Variants in RALYL observed in about 807,000 individuals in gnomAD.
RALYL encodes the protein RALY RNA binding protein like, also known as RNA-binding Raly-like protein.
Under a neutral mutation model 35.1 loss-of-function variants are expected in RALYL, and 29 were observed. The ratio of observed to expected loss-of-function variants is 0.83; its 90% confidence interval spans 0.61 to 1.13. The LOEUF (loss-of-function observed/expected upper bound fraction) is 1.13, where lower values mean the gene tolerates loss of function less well. Among genes scored for constraint, RALYL ranks in the 50% most tolerant of loss-of-function variants. The pLI, the probability that RALYL is intolerant of heterozygous loss-of-function variation, is 0.00. For missense variants in RALYL, 359 were observed against 360.4 expected, an observed-to-expected ratio of 1.00 and a Z score of 0.03; for synonymous variants, 120 against 127.6, an observed-to-expected ratio of 0.94 and a Z score of 0.40.
At chr8:84,200,781 TG>T (rs902785696) in intron 1 of RALYL, among the ~76,000 whole-genome samples, 3 of 152,120 alleles carry the variant, frequency 2.0e-5, no homozygotes, top group Non-Finnish European at 4.4e-5. Flanking sequence ...CTACTTTTAA[TG>T]GGGGGATGGG....
rs535530238 is a variant in RALYL, at chr8:84,816,048, A to G, written c.365+11246A>G. Reference sequence around the variant, plus strand: ...ACTCTGTCTCAAAAAAAAAAAAAAAAAAAAGAAAAAAAGAAAAGAAAGGTG... The same window carrying G: ...ACTCTGTCTCAAAAAAAAAAAAAAAGAAAAGAAAAAAAGAAAAGAAAGGTG... On this transcript the variant is annotated intron_variant, in intron 4 of 8. Transcript: ENST00000521268. 1.1e-3 allele frequency among the ~76,000 whole-genome samples: 173 copies of G among 150,894 alleles called. 2 individuals carry two copies. Among genetic ancestry groups the G allele is most frequent in the African/African-American group, 2.4e-3 (98 of 40,940 alleles).
At chr8:84,839,981 C>G (rs1832860081) in intron 4 of RALYL, among the ~76,000 whole-genome samples, 1 of 152,160 alleles carries the variant, frequency 6.6e-6, no homozygotes, top group African/African-American at 2.4e-5. Flanking sequence ...TCACCATCAT[C>G]AAAGACCAAA....
chr8:84,662,908 G>A (rs1253898139), intron 2 of RALYL, among the ~76,000 whole-genome samples: 1 of 152,090 alleles, frequency 6.6e-6, no homozygotes, highest in African/African-American at 2.4e-5. Flanking sequence ...GTGCCATGGT[G>A]ATTAGCTGCA....
intron 1 of RALYL, among the ~76,000 whole-genome samples, chr8:84,335,726 TTTC>T (rs200926293): frequency 0.022 from 3,256 of 147,474 alleles, 61 homozygotes; most frequent in Non-Finnish European, 0.028. Context: ...TTTTTTTTTT[TTTC>T]CAAGACCTGA....
intron 2 of RALYL, among the ~76,000 whole-genome samples, chr8:84,770,555 G>T (rs1815215957): frequency 6.6e-6 from 1 of 152,070 alleles, no homozygotes; most frequent in Non-Finnish European, 1.5e-5. Context: ...TTTCCTCTGG[G>T]TAGATACCCA....
intron 4 of RALYL, among the ~76,000 whole-genome samples, chr8:84,847,910 G>C (rs1163464642): frequency 6.6e-6 from 1 of 152,116 alleles, no homozygotes; most frequent in Non-Finnish European, 1.5e-5. Context: ...GATTAGGTCT[G>C]CTCTTAGATC....
chr8:84,230,978 C>G (rs1419010102), intron 1 of RALYL, among the ~76,000 whole-genome samples: 2 of 152,174 alleles, frequency 1.3e-5, no homozygotes, highest in Non-Finnish European at 2.9e-5. Context: ...AGCCTCTAGA[C>G]ACTAACACTC....
chr8:84,467,120 G>A (rs966543468), intron 1 of RALYL, among the ~76,000 whole-genome samples: 1 of 151,924 alleles, frequency 6.6e-6, no homozygotes. Flanking sequence ...TTTTTTGAAG[G>A]GTTTTTTGTG....
At chr8:84,256,057 C>T (rs985838743) in intron 1 of RALYL, among the ~76,000 whole-genome samples, 5 of 152,000 alleles carry the variant, frequency 3.3e-5, no homozygotes, top group African/African-American at 1.2e-4. Context: ...ACAGGTCCAC[C>T]GAAGGCCAGA....
intron 1 of RALYL, among the ~76,000 whole-genome samples, chr8:84,388,807 A>G (rs928572146): frequency 1.3e-5 from 2 of 151,866 alleles, no homozygotes; most frequent in Non-Finnish European, 2.9e-5. Flanking sequence ...GTTCACTCTG[A>G]TGGTAGTTTC....
At chr8:84,877,046 C>G (rs918312710) in intron 7 of RALYL, among the ~76,000 whole-genome samples, 1 of 152,134 alleles carries the variant, frequency 6.6e-6, no homozygotes, top group African/African-American at 2.4e-5. Flanking sequence ...GGTCCCTGTT[C>G]ACATTCATGT....
chr8:84,423,467 G>A (rs1163984342), intron 1 of RALYL, among the ~76,000 whole-genome samples: 1 of 151,968 alleles, frequency 6.6e-6, no homozygotes, highest in Non-Finnish European at 1.5e-5. Context: ...TGGTTTTCCT[G>A]AATACAGCAC....
chr8:84,438,687 C>T (rs2048003271), intron 1 of RALYL, among the ~76,000 whole-genome samples: 1 of 152,002 alleles, frequency 6.6e-6, no homozygotes, highest in Non-Finnish European at 1.5e-5. Context: ...ACACCGTACC[C>T]AGCCCTTCTA....
At chr8:84,706,683 C>CA (rs1841274100) in intron 2 of RALYL, among the ~76,000 whole-genome samples, 2 of 152,136 alleles carry the variant, frequency 1.3e-5, no homozygotes, top group Admixed American at 1.3e-4. Context: ...AGGAGCAGCA[C>CA]AATTACCCTG....
At chr8:84,683,134 C>T (rs1835962562) in intron 2 of RALYL, among the ~76,000 whole-genome samples, 1 of 152,134 alleles carries the variant, frequency 6.6e-6, no homozygotes, top group Non-Finnish European at 1.5e-5. Flanking sequence ...TTTTCAGTTT[C>T]CATGTAGTTG....
intron 2 of RALYL, among the ~76,000 whole-genome samples, chr8:84,570,563 C>A (rs147578025): frequency 3.3e-5 from 5 of 151,808 alleles, no homozygotes; most frequent in African/African-American, 9.7e-5. Context: ...AATTTGGATG[C>A]CTTTTATTTC....
At chr8:84,227,503 ATTTG>A (rs1366895262) in intron 1 of RALYL, among the ~76,000 whole-genome samples, 2 of 152,194 alleles carry the variant, frequency 1.3e-5, no homozygotes, top group African/African-American at 4.8e-5. Context: ...TTCAACAGGT[ATTTG>A]TTTGTAAGTA....
intron 7 of RALYL, among the ~76,000 whole-genome samples, chr8:84,887,150 T>C (rs964440439): frequency 2.0e-5 from 3 of 152,234 alleles, no homozygotes; most frequent in African/African-American, 7.2e-5. Context: ...TTTTGTCTTT[T>C]TCACTTAGGT....
intron 1 of RALYL, among the ~76,000 whole-genome samples, chr8:84,507,043 T>TA (rs1383473177): frequency 6.6e-6 from 1 of 152,086 alleles, no homozygotes; most frequent in Non-Finnish European, 1.5e-5. Flanking sequence ...GCCTAGAACT[T>TA]ACTATAATCA....
Sources: allele counts gnomAD v4.1 joint callset (sites outside exome capture counted in the v4.1 genomes callset), GRCh38; gene constraint gnomAD v4.1.1; transcripts MANE v1.5; gene names NCBI Gene and HGNC (gene_info 2026-07-23, HGNC 2026-07-21).